Variants in TTLL5 observed in about 807,000 individuals in gnomAD.
The protein encoded by TTLL5 is tubulin tyrosine ligase like 5.
TTLL5 carries 132 observed loss-of-function variants against 168.4 expected under a neutral mutation model. The ratio of observed to expected loss-of-function variants is 0.78; its 90% confidence interval spans 0.68 to 0.91. The LOEUF is 0.91. Among genes scored for constraint, TTLL5 ranks in the 40% least tolerant of loss-of-function variants. The pLI is 0.00. For synonymous variants in TTLL5, 546 were observed against 558.6 expected (o/e 0.98, Z 0.32); for missense variants, 1,545 against 1,581.5 (o/e 0.98, Z 0.39).
intron 30 of TTLL5, among the ~76,000 whole-genome samples, chr14:75,894,074 G>A (rs2032538804): frequency 1.3e-5 from 2 of 152,160 alleles, no homozygotes; most frequent in African/African-American, 4.8e-5. Context: ...AAGATACAGG[G>A]ACCTAGAGTA....
At chr14:75,950,139 CT>C (rs981018306) in intron 31 of TTLL5, among the ~76,000 whole-genome samples, 25 of 152,094 alleles carry the variant, frequency 1.6e-4, no homozygotes, top group African/African-American at 6.0e-4. Context: ...TAGGAAATAA[CT>C]TACGACCAAG....
In TTLL5 at chr14:75,748,705, G is replaced by A. The variant is rs77659246; in HGVS notation, c.1487+3124G>A. Among the ~76,000 whole-genome samples, 265 of 152,300 alleles carry A rather than the reference G, an allele frequency of 1.7e-3. 3 individuals carry two copies. The East Asian group carries it at 0.046, about 26-fold the overall frequency. On this transcript the variant is annotated intron_variant, in intron 17 of 31. Transcript: ENST00000298832. ...ATAAAGCTAAATTGTTTTCCAAAGT[G>A]GCTATGTAAACTATCAGCAATGCAT...
At chr14:75,666,499 T>C (rs993468985) in intron 2 of TTLL5, among the ~76,000 whole-genome samples, 1 of 152,270 alleles carries the variant, frequency 6.6e-6, no homozygotes, top group African/African-American at 2.4e-5. Flanking sequence ...ATGTCAACTT[T>C]AATTGCTATT....
Position 75,690,440 on chromosome 14 carries a change from G to A in TTLL5, c.502+118G>A. ...GCTTTCCAAATCCTTAGACAACTGT[G>A]ACTCTTTAGTAAAACAGTTGCAGAG... On this transcript the variant is annotated intron_variant, in intron 6 of 31. Coordinates refer to ENST00000298832, the MANE Select transcript of TTLL5 (RefSeq NM_015072.5). 3.9e-6 allele frequency: 5 copies of A among 1,271,262 alleles called. No individual in the cohort carries two copies. In the South Asian group the frequency reaches 8.8e-5, roughly 22 times the overall value. 78.7% of individuals were successfully genotyped at this position (1,271,262 alleles called of 1,614,324 possible).
chr14:75,670,394 A>G (rs2140093023), intron 3 of TTLL5, among the ~76,000 whole-genome samples: 1 of 152,076 alleles, frequency 6.6e-6, no homozygotes, highest in Non-Finnish European at 1.5e-5. Flanking sequence ...ATGTTCACGG[A>G]AAAGTCGTTT....
intron 4 of TTLL5, 121 bp downstream of exon 4, chr14:75,681,748 T>A: frequency 2.6e-6 from 2 of 764,214 alleles, no homozygotes; most frequent in Non-Finnish European, 4.4e-6. Context: ...TGCTTAGTGG[T>A]GGTCCAGAAC....
chr14:75,797,413 T>G (rs2140359916), intron 27 of TTLL5, among the ~76,000 whole-genome samples: 1 of 152,146 alleles, frequency 6.6e-6, no homozygotes, highest in African/African-American at 2.4e-5. Context: ...CCCTTATTTC[T>G]CTTGTCTGAT....
intron 30 of TTLL5, among the ~76,000 whole-genome samples, chr14:75,889,778 C>A (rs2032298985): frequency 1.4e-5 from 2 of 141,542 alleles, no homozygotes; most frequent in African/African-American, 2.6e-5. Context: ...TGCAGTGAGC[C>A]AAGATTGCGC....
chr14:75,745,154 G>A lies in TTLL5; in HGVS notation c.1341G>A (p.Arg447=). 1 of 1,613,972 alleles carries A rather than the reference G, an allele frequency of 6.2e-7. No homozygotes were observed. Among genetic ancestry groups the A allele is most frequent in the African/African-American group, 1.3e-5 (1 of 75,042 alleles). The change falls in exon 16 of 32, where the codon CGG becomes CGA. Residue 447 remains arginine (R), a synonymous_variant. Transcript: ENST00000298832. ...AEMKNLVGSA[R]EKGPGKLGGS... ...TGAAAAACCTCGTGGGCTCAGCCCGGGAGAAAGGGCCAGGGAAGTTGGGTG... is the reference window on the plus strand; with the variant it reads ...TGAAAAACCTCGTGGGCTCAGCCCGAGAGAAAGGGCCAGGGAAGTTGGGTG...
chr14:75,870,148 A>G (rs1035689011), intron 29 of TTLL5, among the ~76,000 whole-genome samples: 7 of 151,648 alleles, frequency 4.6e-5, no homozygotes, highest in African/African-American at 1.2e-4. Context: ...CGATGAAACT[A>G]TGTTTGAAAA....
At chr14:75,810,918 C>A (rs1369156108) in intron 27 of TTLL5, among the ~76,000 whole-genome samples, 4 of 151,916 alleles carry the variant, frequency 2.6e-5, no homozygotes, top group Non-Finnish European at 5.9e-5. Flanking sequence ...CAGGGCACAG[C>A]AAGAGCAACA....
intron 27 of TTLL5, among the ~76,000 whole-genome samples, chr14:75,804,639 AGTT>A (rs1270852436): frequency 1.3e-5 from 2 of 152,178 alleles, no homozygotes; most frequent in Non-Finnish European, 2.9e-5. Context: ...TAGTAGAAAA[AGTT>A]GTTGTTCTTT....
chr14:75,769,358 G>A (rs1277016964), intron 20 of TTLL5, among the ~76,000 whole-genome samples: 1 of 152,156 alleles, frequency 6.6e-6, no homozygotes, highest in Non-Finnish European at 1.5e-5. Context: ...CTTATATACT[G>A]AGCATCTGCA....
intron 29 of TTLL5, among the ~76,000 whole-genome samples, chr14:75,877,294 C>T (rs1748298800): frequency 6.6e-6 from 1 of 152,124 alleles, no homozygotes; most frequent in African/African-American, 2.4e-5. Flanking sequence ...AGAAAAAAGT[C>T]CTCCCAGAAT....
At chr14:75,829,014 A>T (rs1458941892) in intron 28 of TTLL5, among the ~76,000 whole-genome samples, 1 of 152,186 alleles carries the variant, frequency 6.6e-6, no homozygotes, top group Admixed American at 6.5e-5. Context: ...CAAGAAGGAA[A>T]ATTACTGATC....
chr14:75,666,708 TA>T (rs1051271155), intron 2 of TTLL5, among the ~76,000 whole-genome samples: 2 of 151,830 alleles, frequency 1.3e-5, no homozygotes. Flanking sequence ...CTAATAGGGG[TA>T]GTGGTATGAA....
chr14:75,909,183 C>T (rs1388904446), intron 31 of TTLL5, among the ~76,000 whole-genome samples: 3 of 151,342 alleles, frequency 2.0e-5, no homozygotes, highest in Non-Finnish European at 4.4e-5. Context: ...ACAACTTGTC[C>T]ATGAGCACAT....
chr14:75,725,377 G>A (rs1191007956), intron 12 of TTLL5, among the ~76,000 whole-genome samples: 1 of 152,172 alleles, frequency 6.6e-6, no homozygotes, highest in Non-Finnish European at 1.5e-5. Context: ...GTTTAGATGG[G>A]AAAGGAAGTT....
intron 28 of TTLL5, among the ~76,000 whole-genome samples, chr14:75,853,167 C>T (rs1896960419): frequency 1.3e-5 from 2 of 152,188 alleles, no homozygotes; most frequent in South Asian, 4.1e-4. Flanking sequence ...TCTTTCTGCC[C>T]TTCATCCACA....
Sources: allele counts gnomAD v4.1 joint callset (sites outside exome capture counted in the v4.1 genomes callset), GRCh38; gene constraint gnomAD v4.1.1; transcripts MANE v1.5; gene names NCBI Gene and HGNC (gene_info 2026-07-23, HGNC 2026-07-21).